OTOGL: variants seen among roughly 807,000 people sequenced by gnomAD.
OTOGL encodes otogelin-like protein.
A neutral mutation model predicts 318.5 loss-of-function variants in OTOGL; 285 were observed. The observed-to-expected ratio is 0.89, with a 90% CI of 0.81 to 0.99. OTOGL has a LOEUF of 0.99. OTOGL is among the 50% of genes least tolerant of loss of function. The pLI, the probability that OTOGL is intolerant of heterozygous loss-of-function variation, is 0.00. For missense variants in OTOGL, 2,899 were observed against 2,845.6 expected (o/e 1.02, Z -0.43); for synonymous variants, 987 against 936.5 (o/e 1.05, Z -0.99).
At chr12:80,160,006 C>T (rs139058619) in intron 1 of OTOGL, among the ~76,000 whole-genome samples, 3,783 of 152,102 alleles carry the variant, frequency 0.025, 158 homozygotes, top group African/African-American at 0.087. Flanking sequence ...AAAGGACACC[C>T]TATTCAACAA....
intron 32 of OTOGL, 44 bp downstream of exon 32, chr12:80,314,375 A>G (rs768482850): frequency 2.4e-5 from 20 of 831,178 alleles, no homozygotes; most frequent in South Asian, 9.6e-5. Flanking sequence ...GTATTCTATT[A>G]GGTGTATTTT....
In OTOGL at chr12:80,219,826, A is replaced by T; in HGVS notation, c.248A>T (p.Tyr83Phe). Residue 83 changes from tyrosine to phenylalanine, a missense_variant, in exon 6 of 59, where the codon TAT (tyrosine) becomes TTT (phenylalanine). This residue lies in a region of OTOGL where 2,607 missense variants were observed against 2,524.9 expected (regional missense o/e 1.03). Coordinates refer to ENST00000547103, the MANE Select transcript of OTOGL (RefSeq NM_001378609.3). ...GESKIKGSCP[Y>F]ECLNGAFCSK... is the part of the protein sequence containing the mutation. ...TTTTCCCCCTCAGGTTCTTGTCCTTATGAATGCCTTAATGGAGCTTTCTGT... is the reference window on the plus strand; with the variant it reads ...TTTTCCCCCTCAGGTTCTTGTCCTTTTGAATGCCTTAATGGAGCTTTCTGT... The T allele has an allele frequency of 6.3e-7, 1 of 1,575,768 alleles. No homozygotes were observed.
At chr12:80,112,186 T>C (rs1396733430) in intron 1 of OTOGL, among the ~76,000 whole-genome samples, 1 of 152,210 alleles carries the variant, frequency 6.6e-6, no homozygotes, top group Non-Finnish European at 1.5e-5. Context: ...AATCATGTCA[T>C]CTAAAACAGA....
rs1430059416 is a variant in OTOGL at position 80,127,534 on chromosome 12, C to T, written c.-20+27929C>T. On this transcript the variant is annotated intron_variant, in intron 1 of 58. Transcript: ENST00000547103. ...TTGTGTGTCTTGGAGTTGCTCTTCT[C>T]GAGGAGTATCTTTGTGGCATTCTCT... Among the ~76,000 whole-genome samples the T allele has an allele frequency of 4.6e-5, 7 of 152,188 alleles. No individual in the cohort carries two copies. In the East Asian group the frequency reaches 1.2e-3, roughly 25 times the overall value.
rs531154980 is a variant in OTOGL, at chr12:80,339,157, T to C, written c.4943T>C (p.Ile1648Thr). The change falls in exon 43 of 59, where the codon ATT becomes ACT. Residue 1648 changes from isoleucine (I) to threonine (T), a missense_variant. This residue lies in a region of OTOGL where 2,607 missense variants were observed against 2,524.9 expected (regional missense o/e 1.03). Transcript: ENST00000547103. ...SIEDSGSMYV[I>T]TTPAGLIIKW... ...GAGGATTCTGGTTCAATGTATGTAA[T>C]TACTACTCCAGCTGGACTAATCATA... 1.0e-4 allele frequency: 163 copies of C among 1,610,944 alleles called. 1 individual carries two copies. In the East Asian group the frequency reaches 3.6e-3, roughly 35 times the overall value.
In OTOGL at chr12:80,336,037, G is replaced by C; in HGVS notation, c.4497G>C (p.Trp1499Cys). The change falls in exon 39 of 59, where the codon TGG becomes TGC. Residue 1499 changes from tryptophan to cysteine, a missense_variant. Transcript: ENST00000547103. The stretch of plus-strand genomic sequence containing the variant: ...ATATGGAATGGCAGTTATACAACTG[G>C]TCCCTTAATTGCCCAAAGGACGTGG... ...CLNMEWQLYN[W>C]SLNCPKDVEM... The C allele has an allele frequency of 6.3e-7, 1 of 1,598,730 alleles. No homozygotes were observed. The highest frequency in any genetic ancestry group is 1.7e-5 in the Admixed American group (1 of 59,904).
intron 28 of OTOGL, among the ~76,000 whole-genome samples, chr12:80,304,009 GACA>G (rs1279878773): frequency 6.6e-6 from 1 of 152,092 alleles, no homozygotes; most frequent in Non-Finnish European, 1.5e-5. Flanking sequence ...CCTAACCTCA[GACA>G]ACCACTGATT....
chr12:80,296,988 A>C, intron 27 of OTOGL, 27 bp downstream of exon 27: 2 of 1,497,748 alleles, frequency 1.3e-6, no homozygotes, highest in South Asian at 2.5e-5. Context: ...TTTCAGGATC[A>C]TTTGAACTTG....
At chr12:80,337,165 A>G (rs973831227) in intron 42 of OTOGL, among the ~76,000 whole-genome samples, 161 bp downstream of exon 42, 1 of 152,128 alleles carries the variant, frequency 6.6e-6, no homozygotes, top group African/African-American at 2.4e-5. Context: ...TTAATATTAT[A>G]TTTGTCTCTC....
intron 15 of OTOGL, 61 bp downstream of exon 15, chr12:80,254,631 A>G: frequency 7.5e-7 from 1 of 1,333,574 alleles, no homozygotes; most frequent in Non-Finnish European, 1.1e-6. Context: ...GGGGAGAAAG[A>G]TAGCACTGAT....
At chr12:80,134,882 C>T (rs1235705360) in intron 1 of OTOGL, among the ~76,000 whole-genome samples, 2 of 152,144 alleles carry the variant, frequency 1.3e-5, no homozygotes, top group Non-Finnish European at 2.9e-5. Context: ...TGGTGCATCC[C>T]CAACAGTTTT....
intron 57 of OTOGL, among the ~76,000 whole-genome samples, chr12:80,374,393 A>G (rs1435011852): frequency 3.3e-5 from 5 of 152,180 alleles, no homozygotes; most frequent in Non-Finnish European, 4.4e-5. Flanking sequence ...GCATTTTAAG[A>G]CACAATTCAA....
intron 26 of OTOGL, among the ~76,000 whole-genome samples, chr12:80,280,926 T>C (rs1427287452): frequency 1.3e-5 from 2 of 151,912 alleles, no homozygotes; most frequent in Admixed American, 6.6e-5. Flanking sequence ...GTTAGCTGTA[T>C]ACCTAGGTAT....
At position 80,233,054 on chromosome 12, in the gene OTOGL, A is replaced by G. The variant is rs1436834340; in HGVS notation, c.774A>G (p.Gly258=). The change falls in exon 9 of 59, where the codon GGA becomes GGG. Residue 258 remains glycine (G), a synonymous_variant. Coordinates refer to ENST00000547103, the MANE Select transcript of OTOGL (RefSeq NM_001378609.3). ...AGGGGAAATCATGTGGCCTATGTGG[A>G]AACTACAATGACATTCAATCTGATG... The part of the protein sequence containing the change: ...DHKGKSCGLC[G]NYNDIQSDDF... 1.9e-6 allele frequency: 3 copies of G among 1,598,156 alleles called. No homozygotes were observed. The highest frequency in any genetic ancestry group is 2.5e-6 in the Non-Finnish European group (3 of 1,178,678).
intron 1 of OTOGL, among the ~76,000 whole-genome samples, chr12:80,120,308 T>A (rs1306892846): frequency 2.0e-5 from 3 of 152,098 alleles, no homozygotes; most frequent in Non-Finnish European, 4.4e-5. Context: ...TTAATTAGAG[T>A]TTCTAAGTAT....
intron 1 of OTOGL, among the ~76,000 whole-genome samples, chr12:80,122,786 C>A (rs1456875274): frequency 6.6e-6 from 1 of 152,114 alleles, no homozygotes; most frequent in Non-Finnish European, 1.5e-5. Flanking sequence ...TTCATATATG[C>A]TTTGTTTTCA....
At chr12:80,104,647 G>A (rs1592454740) in intron 1 of OTOGL, among the ~76,000 whole-genome samples, 1 of 152,100 alleles carries the variant, frequency 6.6e-6, no homozygotes, top group East Asian at 1.9e-4. Context: ...AGGGGTGGGA[G>A]AGAGCTGCCT....
At position 80,305,561 on chromosome 12, in the gene OTOGL, T is replaced by G; in HGVS notation, c.3214-15T>G. 1 of 1,510,208 alleles carries G rather than the reference T, an allele frequency of 6.6e-7. No individual in the cohort carries two copies. Among genetic ancestry groups the G allele is most frequent in the Non-Finnish European group, 8.8e-7 (1 of 1,139,552 alleles). 93.6% of individuals were successfully genotyped at this position (1,510,208 alleles called of 1,614,324 possible). ...TGAAAACAGAATATTTCCTGGTGAT[T>G]TTCTCTTACTTTAGAACAAGCTATC... On this transcript the variant is annotated splice_polypyrimidine_tract_variant and intron_variant, in intron 28 of 58. Transcript: ENST00000547103.
rs772046872 is a variant in OTOGL at position 80,336,131 on chromosome 12, G to C, written c.4591G>C (p.Glu1531Gln). 1 of 1,589,148 alleles carries C rather than the reference G, an allele frequency of 6.3e-7. No individual in the cohort carries two copies. The highest frequency in any genetic ancestry group is 8.5e-7 in the Non-Finnish European group (1 of 1,176,446). ...CAGTGATATCTGCTGCCCTGAGTGG[G>C]AATGTCCTTGTAAGTTTGCATTTCT... ...VNSDICCPEW[E>Q]CPCRCSMLSE... The change falls in exon 39 of 59, where the codon GAA becomes CAA. Residue 1531 changes from glutamate (E) to glutamine (Q), a missense_variant. Glu to Gln is a conservative substitution (Grantham distance 29). This residue lies in a region of OTOGL where 2,607 missense variants were observed against 2,524.9 expected (regional missense o/e 1.03). Transcript: ENST00000547103.
Sources: allele counts gnomAD v4.1 joint callset (sites outside exome capture counted in the v4.1 genomes callset), GRCh38; gene constraint gnomAD v4.1.1; regional missense constraint gnomAD v4.1.1; transcripts MANE v1.5; gene names NCBI Gene and HGNC (gene_info 2026-07-23, HGNC 2026-07-21).